The following FAM216A variants were observed in gnomAD, a reference collection of about 807,000 sequenced individuals.
The protein encoded by FAM216A is protein FAM216A.
Under a neutral mutation model 37.6 loss-of-function variants are expected in FAM216A, and 26 were observed. That is an observed-to-expected ratio of 0.69 (90% CI 0.51 to 0.96). The LOEUF (loss-of-function observed/expected upper bound fraction) is 0.96, where lower values mean the gene tolerates loss of function less well. Ranked by LOEUF, FAM216A falls within the 40% of genes least tolerant of loss-of-function variation. The probability of loss-of-function intolerance (pLI) is 0.00; values close to 1 mark genes in which losing one functional copy is unlikely to be tolerated. For synonymous variants in FAM216A, 110 were observed against 121.7 expected, an observed-to-expected ratio of 0.90 and a Z score of 0.64; for missense variants, 326 against 339.3, an observed-to-expected ratio of 0.96 and a Z score of 0.31.
chr12:110,475,384 G>C (rs1224091157), intron 2 of FAM216A, among the ~76,000 whole-genome samples: 1 of 152,036 alleles, frequency 6.6e-6, no homozygotes, highest in Admixed American at 6.6e-5. Flanking sequence ...TGGGATTACA[G>C]GCACACGCCA....
chr12:110,486,208 T>G (rs902579268), intron 3 of FAM216A, 117 bp from the exon 4 acceptor site: 1 of 1,105,460 alleles, frequency 9.0e-7, no homozygotes, highest in African/African-American at 1.6e-5. Context: ...TAGTTGAATT[T>G]GCTAAAGTAA....
At chr12:110,469,143 C>A in intron 1 of FAM216A, 125 bp downstream of exon 1, 3 of 1,149,862 alleles carry the variant, frequency 2.6e-6, no homozygotes, top group Non-Finnish European at 3.4e-6. Context: ...GGCCCCGGTG[C>A]CCTCAAGTGA....
Position 110,486,459 on chromosome 12 carries a change from G to A in FAM216A, c.436+5G>A. ...AGCACAGCTCACAAAAGCCAGGCAG[G>A]TGCACCTCCAGTTGTCTTTTCACTA... On this transcript the variant is annotated splice_donor_5th_base_variant and intron_variant, in intron 4 of 6. Transcript: ENST00000377673. 6.2e-7 allele frequency: 1 copy of A among 1,610,152 alleles called. No individual in the cohort carries two copies. The highest frequency in any genetic ancestry group is 8.5e-7 in the Non-Finnish European group (1 of 1,177,106).
Position 110,484,084 on chromosome 12 carries a change from C to T in FAM216A, c.185-994C>T, listed in dbSNP as rs138253333. On this transcript the variant is annotated intron_variant, in intron 2 of 6. Transcript: ENST00000377673. ...GAGCTATGATTATGCCACTGCACTC[C>T]AGCCTGGGCGTCAGAGATCCCATCT... 2.6e-4 allele frequency among the ~76,000 whole-genome samples: 39 copies of T among 151,918 alleles called. No individual in the cohort carries two copies. In the East Asian group the frequency reaches 7.2e-3, roughly 28 times the overall value.
At chr12:110,482,181 A>G (rs2062750784) in intron 2 of FAM216A, among the ~76,000 whole-genome samples, 1 of 151,994 alleles carries the variant, frequency 6.6e-6, no homozygotes. Flanking sequence ...TCCTGGGTTC[A>G]AGAGATTCTC....
intron 1 of FAM216A, among the ~76,000 whole-genome samples, chr12:110,470,989 G>C (rs567088046): frequency 7.2e-5 from 11 of 152,182 alleles, no homozygotes; most frequent in African/African-American, 2.6e-4. Context: ...GCACTGGCAG[G>C]GGTCTTAAAA....
At chr12:110,489,625 T>A (rs963635271) in intron 6 of FAM216A, among the ~76,000 whole-genome samples, 3 of 151,746 alleles carry the variant, frequency 2.0e-5, no homozygotes, top group Non-Finnish European at 4.4e-5. Flanking sequence ...AAGGGGTAAG[T>A]CAGGTTCCAA....
chr12:110,472,348 G>A (rs1468064554), intron 1 of FAM216A, among the ~76,000 whole-genome samples: 1 of 152,010 alleles, frequency 6.6e-6, no homozygotes, highest in African/African-American at 2.4e-5. Context: ...CTACTTTATT[G>A]AGCTCACTGT....
At chr12:110,478,914 C>T (rs959421915) in intron 2 of FAM216A, among the ~76,000 whole-genome samples, 1 of 152,050 alleles carries the variant, frequency 6.6e-6, no homozygotes, top group Non-Finnish European at 1.5e-5. Context: ...TAAGGCCGGG[C>T]GCGGTGGCTC....
At position 110,485,219 on chromosome 12, in the gene FAM216A, T is replaced by C. The variant is rs2062771008; in HGVS notation, c.306+20T>C. The C allele has an allele frequency of 6.3e-7, 1 of 1,594,710 alleles. No homozygotes were observed. Among genetic ancestry groups the C allele is most frequent in the African/African-American group, 1.4e-5 (1 of 73,762 alleles). ...TTCAAGGTATGCTAACAGGGACATA[T>C]TTAAATACCAATACTCTTTGTATTC... On this transcript the variant is annotated intron_variant, in intron 3 of 6. Coordinates refer to ENST00000377673, the MANE Select transcript of FAM216A (RefSeq NM_013300.3).
chr12:110,473,644 C>A (rs183882596), intron 2 of FAM216A, among the ~76,000 whole-genome samples: 2 of 152,290 alleles, frequency 1.3e-5, no homozygotes, highest in East Asian at 3.9e-4. Context: ...TTAAAATTAG[C>A]AGTGAATCCT....
rs940103301 is a variant in FAM216A, at chr12:110,481,142, A to G, written c.185-3936A>G. On this transcript the variant is annotated intron_variant, in intron 2 of 6. Transcript: ENST00000377673. ...AAATAATATTCCATTGTTTGTATAT[A>G]CCACATTTTGTTTATATATTCACCT... Among the ~76,000 whole-genome samples, 18 of 152,114 alleles carry G rather than the reference A, an allele frequency of 1.2e-4. No individual in the cohort carries two copies. In the East Asian group the frequency reaches 2.7e-3, roughly 23 times the overall value.
At chr12:110,470,103 GT>G (rs776038983) in intron 1 of FAM216A, among the ~76,000 whole-genome samples, 70 of 140,658 alleles carry the variant, frequency 5.0e-4, no homozygotes, top group African/African-American at 5.2e-4. Context: ...CATCCTTTTT[GT>G]TTTTTTTTTT....
At chr12:110,487,727 A>G in intron 5 of FAM216A, 134 bp from the exon 6 acceptor site, 1 of 667,312 alleles carries the variant, frequency 1.5e-6, no homozygotes, top group Non-Finnish European at 2.7e-6. Context: ...AAGAAATTAC[A>G]GGAGAATCTG....
upstream of FAM216A, chr12:110,468,522 T>C: frequency 6.5e-7 from 1 of 1,537,274 alleles, no homozygotes; most frequent in Non-Finnish European, 8.7e-7. Context: ...CGCCACGTGC[T>C]TCGGTCCGTG....
At chr12:110,471,676 C>T (rs965709534) in intron 1 of FAM216A, among the ~76,000 whole-genome samples, 1 of 152,128 alleles carries the variant, frequency 6.6e-6, no homozygotes, top group Non-Finnish European at 1.5e-5. Flanking sequence ...CTAGAAGGAG[C>T]AAGCGTAGAA....
At chr12:110,479,312 C>T (rs956693901) in intron 2 of FAM216A, among the ~76,000 whole-genome samples, 6 of 151,948 alleles carry the variant, frequency 3.9e-5, no homozygotes, top group African/African-American at 1.4e-4. Flanking sequence ...TGTGCATTTA[C>T]CTGTGAGCAC....
intron 6 of FAM216A, among the ~76,000 whole-genome samples, chr12:110,488,410 C>CAAAAAAAAAAAAAAAAAA (rs572459416): frequency 2.0e-5 from 1 of 50,996 alleles, no homozygotes; most frequent in Non-Finnish European, 4.1e-5. Flanking sequence ...GACTCCATCT[C>CAAAAAAAAAAAAAAAAAA]AAAAAAAAAA....
intron 2 of FAM216A, among the ~76,000 whole-genome samples, chr12:110,478,847 G>A (rs139015684): frequency 6.6e-6 from 1 of 152,182 alleles, no homozygotes; most frequent in African/African-American, 2.4e-5. Context: ...AAGTTGTGTT[G>A]TTATGGCAGC....
Sources: gnomAD v4.1 joint callset for allele counts (sites outside exome capture counted in the v4.1 genomes callset) on GRCh38, gnomAD v4.1.1 for gene constraint, MANE v1.5 for transcripts, NCBI Gene and HGNC (gene_info 2026-07-23, HGNC 2026-07-21) for gene names.